The following EMCN variants were observed in gnomAD, a reference collection of about 807,000 sequenced individuals.
EMCN encodes MUC-14.
A neutral mutation model predicts 38.4 loss-of-function variants in EMCN; 37 were observed. That is an observed-to-expected ratio of 0.96 (90% CI 0.74 to 1.27). The LOEUF is 1.27. Among genes scored for constraint, EMCN ranks in the 50% most tolerant of loss-of-function variants. The pLI, the probability that EMCN is intolerant of heterozygous loss-of-function variation, is 0.00. For synonymous variants in EMCN, 95 were observed against 100.8 expected, an observed-to-expected ratio of 0.94 and a Z score of 0.35; for missense variants, 318 against 302.8, an observed-to-expected ratio of 1.05 and a Z score of -0.37.
At chr4:100,442,411 T>C (rs993060053) in intron 5 of EMCN, among the ~76,000 whole-genome samples, 2 of 152,232 alleles carry the variant, frequency 1.3e-5, no homozygotes, top group East Asian at 3.8e-4. Flanking sequence ...TTGAGCTTTA[T>C]GAATCCAAAT....
chr4:100,398,756 T>G (rs1028782086), intron 11 of EMCN, among the ~76,000 whole-genome samples: 36 of 152,120 alleles, frequency 2.4e-4, no homozygotes, highest in Non-Finnish European at 4.4e-4. Flanking sequence ...CATTTTTCTC[T>G]ATTCTATTCT....
intron 5 of EMCN, among the ~76,000 whole-genome samples, chr4:100,437,982 T>C (rs1727403526): frequency 6.6e-6 from 1 of 152,150 alleles, no homozygotes; most frequent in African/African-American, 2.4e-5. Context: ...TATAGAATAT[T>C]GCTTTTTGAC....
intron 3 of EMCN, among the ~76,000 whole-genome samples, chr4:100,469,095 T>C (rs942968362): frequency 2.0e-5 from 3 of 152,080 alleles, no homozygotes; most frequent in Admixed American, 6.5e-5. Flanking sequence ...ATATGGTCAA[T>C]TAATTTTCAA....
chr4:100,500,509 TC>T (rs1324240264), intron 1 of EMCN, among the ~76,000 whole-genome samples: 5 of 152,284 alleles, frequency 3.3e-5, no homozygotes, highest in Non-Finnish European at 7.4e-5. Flanking sequence ...ATCAGTTATA[TC>T]CCTCTTCCAC....
At chr4:100,497,246 TAA>T (rs749473979) in intron 1 of EMCN, among the ~76,000 whole-genome samples, 1,874 of 129,810 alleles carry the variant, frequency 0.014, 40 homozygotes, top group African/African-American at 0.05. Context: ...TTGTTACTAT[TAA>T]AAAAAAAAAA....
intron 10 of EMCN, among the ~76,000 whole-genome samples, chr4:100,414,321 A>T (rs1019675407): frequency 4.4e-5 from 6 of 136,548 alleles, no homozygotes; most frequent in African/African-American, 1.7e-4. Flanking sequence ...CTTACTCAGG[A>T]CTGGTTCACA....
chr4:100,444,613 C>T (rs560327758), intron 5 of EMCN, among the ~76,000 whole-genome samples: 57 of 152,176 alleles, frequency 3.7e-4, no homozygotes, highest in South Asian at 1.5e-3. Context: ...AGTAGCTCCA[C>T]GGAACTTGGC....
At chr4:100,484,942 C>T (rs964464842) in intron 1 of EMCN, among the ~76,000 whole-genome samples, 4 of 152,026 alleles carry the variant, frequency 2.6e-5, no homozygotes, top group Non-Finnish European at 5.9e-5. Flanking sequence ...AATTATACTA[C>T]TTGGGTATAT....
chr4:100,432,340 C>T (rs920755071), intron 5 of EMCN, among the ~76,000 whole-genome samples: 1 of 152,072 alleles, frequency 6.6e-6, no homozygotes, highest in Non-Finnish European at 1.5e-5. Context: ...TTACTCTATC[C>T]TCTGATCTTA....
At chr4:100,433,785 C>A (rs1003975076) in intron 5 of EMCN, among the ~76,000 whole-genome samples, 1 of 152,010 alleles carries the variant, frequency 6.6e-6, no homozygotes, top group Non-Finnish European at 1.5e-5. Flanking sequence ...ATCCTCCTGC[C>A]CCAGCCTCCC....
chr4:100,494,119 T>A (rs369540369), intron 1 of EMCN, among the ~76,000 whole-genome samples: 2 of 152,202 alleles, frequency 1.3e-5, no homozygotes, highest in Non-Finnish European at 2.9e-5. Context: ...GAGGCCATCA[T>A]GTATTTATCC....
At chr4:100,400,353 AT>A (rs3214622) in intron 11 of EMCN, among the ~76,000 whole-genome samples, 41,154 of 146,628 alleles carry the variant, frequency 0.28, 6,766 homozygotes, top group East Asian at 0.79. Flanking sequence ...CCTAGGCCAC[AT>A]TTTTTTTTTT....
rs1048280731 is a variant in EMCN, at chr4:100,409,160, G to A, written c.*39+1122C>T. On this transcript the variant is annotated intron_variant, in intron 11 of 11. Transcript: ENST00000296420. ...GCCATGAATAACAATATTTCTCATC[G>A]TGGACACTTTACCTAGAGTGACTAT... 7.2e-5 allele frequency among the ~76,000 whole-genome samples: 11 copies of A among 152,246 alleles called. No individual in the cohort carries two copies. The South Asian group carries it at 1.0e-3, about 14-fold the overall frequency.
rs773380904 is a variant in EMCN at position 100,421,338 on chromosome 4, G to A, written c.608C>T (p.Thr203Ile). The change falls in exon 8 of 12, where the codon ACA becomes ATA. Residue 203 changes from threonine to isoleucine, a missense_variant. Physicochemically the swap from Thr to Ile is moderately conservative, Grantham distance 89. Coordinates refer to ENST00000296420, the MANE Select transcript of EMCN (RefSeq NM_016242.4). ...LPVVIALIVI[T>I]LSVFVLVGLY... ...ACCCACCAGAACAAATACTGAAAGT[G>A]TTATTACAATCAAAGCAATAACCAC... 8.7e-6 allele frequency: 14 copies of A among 1,612,798 alleles called. No individual in the cohort carries two copies. The East Asian group carries it at 2.0e-4, about 23-fold the overall frequency.
At chr4:100,475,904 G>T (rs970154724) in intron 2 of EMCN, among the ~76,000 whole-genome samples, 1 of 151,738 alleles carries the variant, frequency 6.6e-6, no homozygotes, top group Admixed American at 6.6e-5. Context: ...GGATGGTCTC[G>T]ATCTCATGAT....
chr4:100,460,849 A>T (rs1458589626), intron 4 of EMCN, among the ~76,000 whole-genome samples: 1 of 152,132 alleles, frequency 6.6e-6, no homozygotes, highest in Non-Finnish European at 1.5e-5. Flanking sequence ...TTTTGATGTT[A>T]TATCTGAAAA....
chr4:100,510,484 T>C (rs1025398732), intron 1 of EMCN, among the ~76,000 whole-genome samples: 6 of 152,216 alleles, frequency 3.9e-5, no homozygotes, highest in African/African-American at 1.4e-4. Flanking sequence ...TGGATTGGAA[T>C]CAACTTAGAA....
intron 1 of EMCN, among the ~76,000 whole-genome samples, chr4:100,499,354 A>C (rs1340439355): frequency 6.6e-6 from 1 of 152,240 alleles, no homozygotes; most frequent in African/African-American, 2.4e-5. Context: ...CAAATATGGC[A>C]ATATTAGTAT....
intron 4 of EMCN, among the ~76,000 whole-genome samples, chr4:100,459,055 G>T (rs4488946): frequency 6.6e-6 from 1 of 152,042 alleles, no homozygotes; most frequent in Admixed American, 6.6e-5. Flanking sequence ...CCAGTGGATG[G>T]CAAGTCTTCT....
Sources: gnomAD v4.1 joint callset for allele counts (sites outside exome capture counted in the v4.1 genomes callset) on GRCh38, gnomAD v4.1.1 for gene constraint, MANE v1.5 for transcripts, NCBI Gene and HGNC (gene_info 2026-07-23, HGNC 2026-07-21) for gene names.